Variants in PMEPA1 observed in about 807,000 individuals in gnomAD.
The protein encoded by PMEPA1 is prostate transmembrane protein, androgen induced 1, also known as protein TMEPAI.
PMEPA1 carries 11 observed loss-of-function variants against 23.0 expected under a neutral mutation model. The observed-to-expected ratio is 0.48, with a 90% CI of 0.30 to 0.79. PMEPA1 has a LOEUF of 0.79. PMEPA1 is among the 30% of genes least tolerant of loss of function. The probability of loss-of-function intolerance (pLI) is 0.06; values close to 1 mark genes in which losing one functional copy is unlikely to be tolerated. For missense variants in PMEPA1, 377 were observed against 390.9 expected (o/e 0.96, Z 0.30); for synonymous variants, 204 against 166.4 (o/e 1.23, Z -1.74).
intron 1 of PMEPA1, among the ~76,000 whole-genome samples, chr20:57,663,675 G>C (rs569958188): frequency 1.6e-4 from 25 of 152,348 alleles, no homozygotes; most frequent in African/African-American, 5.5e-4. Context: ...AGGGCACGGA[G>C]TGCGGGGCAG....
chr20:57,671,832 C>T (rs1196730715), intron 1 of PMEPA1, among the ~76,000 whole-genome samples: 1 of 152,204 alleles, frequency 6.6e-6, no homozygotes, highest in Non-Finnish European at 1.5e-5. Context: ...CCATCAATCC[C>T]CATTGCGACA....
Position 57,709,622 on chromosome 20 carries a change from G to T in PMEPA1, c.-40C>A, listed in dbSNP as rs2072139976. On this transcript the variant is annotated 5_prime_UTR_variant, in exon 1 of 4. Coordinates refer to ENST00000341744, the MANE Select transcript of PMEPA1 (RefSeq NM_020182.5). ...CGCGGCGCGGGGCGCGGGGGGCTCG[G>T]GGGCGGCCGGGGGGGGCTCCGGCCG... 1.0e-5 allele frequency: 10 copies of T among 977,164 alleles called. No individual in the cohort carries two copies. The highest frequency in any genetic ancestry group is 1.1e-5 in the Non-Finnish European group (9 of 817,992). The allele number at this position is 977,164 out of a possible 1,614,324, so 60.5% of individuals were successfully genotyped here. A position where few individuals can be genotyped will look rare whatever the true frequency, so the allele number is the denominator to read the frequency against.
chr20:57,673,021 CAGTA>C (rs1056783225), intron 1 of PMEPA1, among the ~76,000 whole-genome samples: 13 of 152,318 alleles, frequency 8.5e-5, no homozygotes, highest in Admixed American at 2.0e-4. Flanking sequence ...CTTAGGTGCG[CAGTA>C]AGTATCAGCC....
chr20:57,652,322 T>C lies in PMEPA1; in HGVS notation c.595A>G (p.Ser199Gly), dbSNP rs752404030. The C allele has an allele frequency of 1.2e-6, 2 of 1,612,276 alleles. No individual in the cohort carries two copies. Among genetic ancestry groups the C allele is most frequent in the South Asian group, 2.2e-5 (2 of 91,082 alleles). The change falls in exon 4 of 4, where the codon AGT becomes GGT. Residue 199 changes from serine (S) to glycine (G), a missense_variant. Ser to Gly is a moderately conservative substitution (Grantham distance 56). Around this residue, in one of 3 missense-constraint regions of PMEPA1, gnomAD observed 176 missense variants for 173.0 expected, o/e 1.02. Coordinates refer to ENST00000341744, the MANE Select transcript of PMEPA1 (RefSeq NM_020182.5). This position sits in a 1 kb window ranked among gnomAD's most constrained non-coding sequence, Gnocchi z 6.1. ...GGGCAGGGGCCGCCCAGCCTGGCACTATCCATCAGGTCACTGTCGAAGATG... is the reference window on the plus strand; with the variant it reads ...GGGCAGGGGCCGCCCAGCCTGGCACCATCCATCAGGTCACTGTCGAAGATG... The part of the protein sequence containing the change: ...RTIFDSDLMD[S>G]ARLGGPCPPS...
In PMEPA1 at chr20:57,656,262, T is replaced by C. The variant is rs559839799; in HGVS notation, c.265-3176A>G. Among the ~76,000 whole-genome samples, 21 of 149,082 alleles carry C rather than the reference T, an allele frequency of 1.4e-4. No homozygotes were observed. The East Asian group carries it at 4.1e-3, about 29-fold the overall frequency. On this transcript the variant is annotated intron_variant, in intron 2 of 3. Transcript: ENST00000341744. The surrounding 1 kb of genome is among the most constrained non-coding windows in gnomAD (Gnocchi z 4.7). ...TCGGTATCTCCTGAGGCCATGGGAG[T>C]GGACGCTAGGTCTTTGGCTCCCGCT...
At chr20:57,687,918 C>G (rs1040746220) in intron 1 of PMEPA1, among the ~76,000 whole-genome samples, 1 of 152,018 alleles carries the variant, frequency 6.6e-6, no homozygotes, top group African/African-American at 2.4e-5. Context: ...TCTATGGGTT[C>G]CCTGTCCAGG....
rs1350489477 is a variant in PMEPA1, at chr20:57,683,793, CAG to C, written c.110-24098_110-24097del. 6.6e-6 allele frequency among the ~76,000 whole-genome samples: 1 copy of C among 151,894 alleles called. No individual in the cohort carries two copies. The highest frequency in any genetic ancestry group is 1.5e-5 in the Non-Finnish European group (1 of 67,998). The stretch of plus-strand genomic sequence containing the variant: ...GGAAGGACTAGAGCCCAGCAGCTCT[CAG>C]AGTTCTTGGAGTTCTCGGCCTCCGA... On this transcript the variant is annotated intron_variant, in intron 1 of 3. Transcript: ENST00000341744. This position sits in a 1 kb window ranked among gnomAD's most constrained non-coding sequence, Gnocchi z 4.3.
At chr20:57,705,694 C>T (rs866795435) in intron 1 of PMEPA1, among the ~76,000 whole-genome samples, 5 of 152,330 alleles carry the variant, frequency 3.3e-5, no homozygotes, top group South Asian at 4.2e-4. Context: ...CTCCTGGCAA[C>T]GCAGATGCTG....
At chr20:57,670,113 G>A (rs1359186637) in intron 1 of PMEPA1, among the ~76,000 whole-genome samples, 2 of 151,498 alleles carry the variant, frequency 1.3e-5, no homozygotes, top group East Asian at 1.9e-4. Flanking sequence ...ACCCCTCCAC[G>A]TGCCCTGGCT....
upstream of PMEPA1, chr20:57,710,467 C>G (rs1304372283): frequency 6.2e-7 from 1 of 1,608,486 alleles, no homozygotes; most frequent in South Asian, 1.1e-5. Flanking sequence ...CACCCATTGC[C>G]TGGTTTCGCA....
intron 1 of PMEPA1, among the ~76,000 whole-genome samples, chr20:57,675,648 G>A (rs1159555792): frequency 6.6e-6 from 1 of 152,246 alleles, no homozygotes; most frequent in African/African-American, 2.4e-5. Flanking sequence ...GGATTGCCGG[G>A]CCCAGCGGCA....
chr20:57,663,039 T>C (rs944407697), intron 1 of PMEPA1, among the ~76,000 whole-genome samples: 7 of 152,304 alleles, frequency 4.6e-5, no homozygotes, highest in Admixed American at 1.3e-4. Flanking sequence ...TGGACGTCTG[T>C]ATCCACAGAG....
In PMEPA1 at chr20:57,656,866, C is replaced by T. The variant is rs2071333740; in HGVS notation, c.264+2677G>A. On this transcript the variant is annotated intron_variant, in intron 2 of 3. Coordinates refer to ENST00000341744, the MANE Select transcript of PMEPA1 (RefSeq NM_020182.5). The surrounding 1 kb of genome is among the most constrained non-coding windows in gnomAD (Gnocchi z 4.7). The stretch of plus-strand genomic sequence containing the variant: ...TGGGCTGGGGGGATGTAGACTGGGC[C>T]CGGGACAGATAAGAGCTGTATGTGG... 6.6e-6 allele frequency among the ~76,000 whole-genome samples: 1 copy of T among 152,160 alleles called. No homozygotes were observed. The highest frequency in any genetic ancestry group is 1.5e-5 in the Non-Finnish European group (1 of 68,010).
chr20:57,664,651 G>A (rs1195652750), intron 1 of PMEPA1, among the ~76,000 whole-genome samples: 3 of 152,170 alleles, frequency 2.0e-5, no homozygotes, highest in South Asian at 4.1e-4. Context: ...CAGATGCCTC[G>A]CGGGCAAGGG....
At position 57,709,656 on chromosome 20, in the gene PMEPA1, A is replaced by G. The variant is rs2072141264; in HGVS notation, c.-74T>C. On this transcript the variant is annotated 5_prime_UTR_variant, in exon 1 of 4. Transcript: ENST00000341744. ...GGGGGGGGCTCCGGCCGGCGCCCGG[A>G]GCTGGGGCCCCGCATGCAGGAGGCG... 2 of 971,396 alleles carry G rather than the reference A, an allele frequency of 2.1e-6. No homozygotes were observed. Among genetic ancestry groups the G allele is most frequent in the South Asian group, 4.6e-5 (1 of 21,580 alleles). The allele number at this position is 971,396 out of a possible 1,614,324, so 60.2% of individuals were successfully genotyped here. A position where few individuals can be genotyped will look rare whatever the true frequency, so the allele number is the denominator to read the frequency against.
At chr20:57,689,097 T>G (rs181854868) in intron 1 of PMEPA1, among the ~76,000 whole-genome samples, 1 of 152,182 alleles carries the variant, frequency 6.6e-6, no homozygotes, top group African/African-American at 2.4e-5. Flanking sequence ...GTCAGCTTGA[T>G]TGGGTTTCAA....
intron 1 of PMEPA1, among the ~76,000 whole-genome samples, chr20:57,692,637 A>G (rs1479294922): frequency 6.6e-6 from 1 of 152,222 alleles, no homozygotes; most frequent in Non-Finnish European, 1.5e-5. Context: ...CCAGATGCAG[A>G]GGAGGCCAAG....
At position 57,651,900 on chromosome 20, in the gene PMEPA1, A is replaced by C. The variant is rs2071236070; in HGVS notation, c.*153T>G. The C allele has an allele frequency of 2.0e-6, 1 of 494,778 alleles. No homozygotes were observed. Among genetic ancestry groups the C allele is most frequent in the Non-Finnish European group, 3.4e-6 (1 of 292,288 alleles). 30.6% of individuals were successfully genotyped at this position (494,778 alleles called of 1,614,324 possible). A position where few individuals can be genotyped will look rare whatever the true frequency, so the allele number is the denominator to read the frequency against. ...CTTAGCTTGTGCATTCAGACCAGAC[A>C]TCACATGTAAATATTTATACACAGG... On this transcript the variant is annotated 3_prime_UTR_variant, in exon 4 of 4. Coordinates refer to ENST00000341744, the MANE Select transcript of PMEPA1 (RefSeq NM_020182.5).
rs1462652047 is a variant in PMEPA1 at position 57,652,952 on chromosome 20, C to T, written c.318+81G>A. 1.3e-5 allele frequency: 16 copies of T among 1,195,830 alleles called. No homozygotes were observed. In the East Asian group the frequency reaches 3.8e-4, roughly 28 times the overall value. 74.1% of individuals were successfully genotyped at this position (1,195,830 alleles called of 1,614,324 possible). A position where few individuals can be genotyped will look rare whatever the true frequency, so the allele number is the denominator to read the frequency against. ...GGAGGGCGGAGGGGTGAGCCTTTAG[C>T]AGCCCACACTGTTCCAGCCGCAGCG... is the stretch of plus-strand genomic sequence containing the variant. On this transcript the variant is annotated intron_variant, in intron 3 of 3. Coordinates refer to ENST00000341744, the MANE Select transcript of PMEPA1 (RefSeq NM_020182.5). The surrounding 1 kb of genome is among the most constrained non-coding windows in gnomAD (Gnocchi z 6.1).
Sources: allele counts gnomAD v4.1 joint callset (sites outside exome capture counted in the v4.1 genomes callset), GRCh38; gene constraint gnomAD v4.1.1; regional missense constraint gnomAD v4.1.1; non-coding constraint Gnocchi (gnomAD v3.1); transcripts MANE v1.5; gene names NCBI Gene and HGNC (gene_info 2026-07-23, HGNC 2026-07-21).